SNX13: variants seen among roughly 807,000 people sequenced by gnomAD.
SNX13 encodes sorting nexin 13, also known as sorting nexin-13.
In SNX13, 45 loss-of-function variants were observed where a neutral mutation model predicts 133.6. The observed-to-expected ratio is 0.34, with a 90% confidence interval of 0.27 to 0.43. SNX13 has a LOEUF of 0.43. Ranked by LOEUF, SNX13 falls within the 20% of genes least tolerant of loss-of-function variation. SNX13 has a pLI of 1.00. For synonymous variants in SNX13, 414 were observed against 373.9 expected, an observed-to-expected ratio of 1.11 and a Z score of -1.24; for missense variants, 1,032 against 1,145.1, an observed-to-expected ratio of 0.90 and a Z score of 1.43.
At chr7:17,803,180 G>C (rs1339160225) in intron 21 of SNX13, among the ~76,000 whole-genome samples, 3 of 152,066 alleles carry the variant, frequency 2.0e-5, no homozygotes, top group Non-Finnish European at 4.4e-5. Flanking sequence ...TTCAGTTTTT[G>C]TTTTAAATGA....
chr7:17,844,457 G>A (rs1040834362), intron 12 of SNX13, among the ~76,000 whole-genome samples: 1 of 151,896 alleles, frequency 6.6e-6, no homozygotes, highest in African/African-American at 2.4e-5. Flanking sequence ...TAGCTTTACT[G>A]GTGAATTCTA....
At chr7:17,802,574 T>C (rs1357349771) in intron 21 of SNX13, among the ~76,000 whole-genome samples, 2 of 152,144 alleles carry the variant, frequency 1.3e-5, no homozygotes, top group African/African-American at 2.4e-5. Flanking sequence ...GAAGTGCGAC[T>C]GAACAATACT....
At chr7:17,856,162 T>A (rs1791851651) in intron 9 of SNX13, among the ~76,000 whole-genome samples, 1 of 152,334 alleles carries the variant, frequency 6.6e-6, no homozygotes, top group South Asian at 2.1e-4. Context: ...AAAATAAAAG[T>A]CAAAATGTGG....
chr7:17,849,581 T>C (rs1382666768), intron 11 of SNX13, among the ~76,000 whole-genome samples: 3 of 152,216 alleles, frequency 2.0e-5, no homozygotes, highest in African/African-American at 4.8e-5. Flanking sequence ...AATAAAATTC[T>C]TACTATGGCC....
In SNX13 at chr7:17,897,355, T is replaced by A; in HGVS notation, c.104A>T (p.Tyr35Phe). The change falls in exon 2 of 26, where the codon TAT becomes TTT. Residue 35 changes from tyrosine (Y) to phenylalanine (F), a missense_variant. Coordinates refer to ENST00000428135, the MANE Select transcript of SNX13 (RefSeq NM_015132.5). ...TTACCCACCCACAAAGCAGAGGATATAAAATGTCAAATAAAATATTACAAA... is the reference window on the plus strand; with the variant it reads ...TTACCCACCCACAAAGCAGAGGATAAAAAATGTCAAATAAAATATTACAAA... ...GPFVIFYLTF[Y>F]ILCFVGGGLV... 1 of 1,582,984 alleles carries A rather than the reference T, an allele frequency of 6.3e-7. No homozygotes were observed. Among genetic ancestry groups the A allele is most frequent in the Non-Finnish European group, 8.6e-7 (1 of 1,163,496 alleles).
At chr7:17,843,674 T>C (rs918733379) in intron 12 of SNX13, among the ~76,000 whole-genome samples, 8 of 152,064 alleles carry the variant, frequency 5.3e-5, no homozygotes, top group African/African-American at 1.9e-4. Flanking sequence ...GGGCCACAAA[T>C]TGAGTCTCAT....
Position 17,886,905 on chromosome 7 carries a change from AATG to A in SNX13, c.440+3455_440+3457del, listed in dbSNP as rs949790178. 1.9e-4 allele frequency among the ~76,000 whole-genome samples: 29 copies of A among 152,096 alleles called. No individual in the cohort carries two copies. The South Asian group carries it at 3.3e-3, about 17-fold the overall frequency. On this transcript the variant is annotated intron_variant, in intron 5 of 25. Coordinates refer to ENST00000428135, the MANE Select transcript of SNX13 (RefSeq NM_015132.5). ...GACAAACCGCTCTCAATACCACAGAAATGATTGTTTTATTTCTCTATGTTTCAT... is the reference window on the plus strand; with the variant it reads ...GACAAACCGCTCTCAATACCACAGAAATTGTTTTATTTCTCTATGTTTCAT...
rs118058840 is a variant in SNX13, at chr7:17,839,722, T to C, written c.1359+85A>G. The C allele has an allele frequency of 2.1e-3, 2,200 of 1,049,144 alleles. 3 individuals are homozygous for C. Among genetic ancestry groups the C allele is most frequent in the Admixed American group, 2.5e-3 (83 of 32,854 alleles). 65.0% of individuals were successfully genotyped at this position (1,049,144 alleles called of 1,614,324 possible). On this transcript the variant is annotated intron_variant, in intron 13 of 25. Transcript: ENST00000428135. ...ATTAAAGGAGACAATGTTTTCGAGGTAGTCAGCCTGGCATAAGCAATGGAT... is the reference window on the plus strand; with the variant it reads ...ATTAAAGGAGACAATGTTTTCGAGGCAGTCAGCCTGGCATAAGCAATGGAT...
At chr7:17,911,792 C>G (rs534926391) in intron 1 of SNX13, among the ~76,000 whole-genome samples, 129 of 152,016 alleles carry the variant, frequency 8.5e-4, no homozygotes, top group African/African-American at 2.8e-3. Context: ...AAACTATACC[C>G]AAGGATAGAA....
intron 4 of SNX13, 98 bp from the exon 5 acceptor site, chr7:17,890,582 T>C: frequency 1.2e-6 from 1 of 806,988 alleles, no homozygotes; most frequent in Admixed American, 3.0e-5. Flanking sequence ...CAATTTATAT[T>C]TACTCTCTAC....
chr7:17,858,477 C>T (rs1792206264), intron 9 of SNX13, among the ~76,000 whole-genome samples: 1 of 151,526 alleles, frequency 6.6e-6, no homozygotes, highest in South Asian at 2.1e-4. Context: ...CAAAACAATG[C>T]TGAGAGAAAC....
intron 8 of SNX13, among the ~76,000 whole-genome samples, chr7:17,872,588 G>C (rs1794244230): frequency 6.6e-6 from 1 of 152,032 alleles, no homozygotes; most frequent in Non-Finnish European, 1.5e-5. Flanking sequence ...TCAAAACCAA[G>C]CACTTTCTAT....
intron 9 of SNX13, among the ~76,000 whole-genome samples, chr7:17,858,982 A>G (rs1174259164): frequency 6.6e-6 from 1 of 152,144 alleles, no homozygotes; most frequent in African/African-American, 2.4e-5. Flanking sequence ...ACAAAATATA[A>G]AAGTAAAAAT....
intron 1 of SNX13, among the ~76,000 whole-genome samples, chr7:17,902,769 A>T (rs1327161570): frequency 6.6e-6 from 1 of 152,196 alleles, no homozygotes; most frequent in East Asian, 1.9e-4. Flanking sequence ...GCTGCAGACC[A>T]TTAGGAACTG....
At chr7:17,866,366 T>C (rs1321093116) in intron 9 of SNX13, among the ~76,000 whole-genome samples, 2 of 149,092 alleles carry the variant, frequency 1.3e-5, no homozygotes, top group Non-Finnish European at 3.0e-5. Context: ...AGGTAACATA[T>C]AAATGGAAAA....
rs138909284 is a variant in SNX13 at position 17,928,008 on chromosome 7, A to C, written c.12+12276T>G. 4.9e-3 allele frequency among the ~76,000 whole-genome samples: 749 copies of C among 152,328 alleles called. 5 individuals carry two copies. The highest frequency in any genetic ancestry group is 0.017 in the African/African-American group (721 of 41,576). ...CCATCTCTCATTCATACAGGACTAC[A>C]ATACAATAAAAGTCCTAATATTTAC... On this transcript the variant is annotated intron_variant, in intron 1 of 25. Coordinates refer to ENST00000428135, the MANE Select transcript of SNX13 (RefSeq NM_015132.5).
intron 7 of SNX13, among the ~76,000 whole-genome samples, chr7:17,874,346 A>C (rs1309107288): frequency 1.3e-5 from 2 of 152,214 alleles, no homozygotes; most frequent in Non-Finnish European, 2.9e-5. Context: ...ATACTAGTCT[A>C]TGTGTTAATC....
Position 17,830,274 on chromosome 7 carries a change from C to G in SNX13, c.1598-227G>C, listed in dbSNP as rs1788342306. 5 of 983,366 alleles carry G rather than the reference C, an allele frequency of 5.1e-6. No homozygotes were observed. In the South Asian group the frequency reaches 1.9e-4, roughly 37 times the overall value. The allele number at this position is 983,366 out of a possible 1,614,324, so 60.9% of individuals were successfully genotyped here. On this transcript the variant is annotated intron_variant, in intron 15 of 25. Transcript: ENST00000428135. The stretch of plus-strand genomic sequence containing the variant: ...TGACAATATAGTATGTACCTGATAG[C>G]TGGCCAAAAATCAAAAAGGCATTCG...
At chr7:17,849,174 A>T (rs1790907281) in intron 11 of SNX13, among the ~76,000 whole-genome samples, 1 of 152,060 alleles carries the variant, frequency 6.6e-6, no homozygotes, top group African/African-American at 2.4e-5. Context: ...AATACCCAAA[A>T]CTCAATTCTC....
Sources: allele counts gnomAD v4.1 joint callset (sites outside exome capture counted in the v4.1 genomes callset), GRCh38; gene constraint gnomAD v4.1.1; transcripts MANE v1.5; gene names NCBI Gene and HGNC (gene_info 2026-07-23, HGNC 2026-07-21).